ACTR3C: variants seen among roughly 807,000 people sequenced by gnomAD.
ACTR3C encodes actin-related protein 3C.
A neutral mutation model predicts 26.3 loss-of-function variants in ACTR3C; 18 were observed. That is an observed-to-expected ratio of 0.68 (90% CI 0.47 to 1.01). The LOEUF (loss-of-function observed/expected upper bound fraction) is 1.01. Among genes scored for constraint, ACTR3C ranks in the 50% least tolerant of loss-of-function variants. ACTR3C has a pLI of 0.00. For missense variants in ACTR3C, 184 were observed against 250.7 expected (o/e 0.73, Z 1.80); for synonymous variants, 55 against 94.5 (o/e 0.58, Z 2.42).
At chr7:150,186,007 G>A in the ACTR3C span, among the ~76,000 whole-genome samples, 2 of 152,134 alleles carry the variant, frequency 1.3e-5, no homozygotes, top group African/African-American at 4.8e-5. Flanking sequence ...GCAAATTTCA[G>A]GGCTATTTCT....
the ACTR3C span, among the ~76,000 whole-genome samples, chr7:150,199,780 G>T: frequency 7.2e-6 from 1 of 138,592 alleles, no homozygotes; most frequent in Non-Finnish European, 1.5e-5. Context: ...AAGATTGTGT[G>T]AGGTAACAGA....
the ACTR3C span, among the ~76,000 whole-genome samples, chr7:150,185,283 G>A: frequency 1.7e-5 from 2 of 115,174 alleles, no homozygotes; most frequent in African/African-American, 7.7e-5. Context: ...AGGCGTGTGT[G>A]TGTGTGTGTG....
the ACTR3C span, among the ~76,000 whole-genome samples, chr7:150,144,366 T>A: frequency 6.6e-6 from 1 of 152,194 alleles, no homozygotes; most frequent in African/African-American, 2.4e-5. The surrounding 1 kb of genome is among the most constrained non-coding windows in gnomAD (Gnocchi z 4.6). Context: ...TAGAAGGTAA[T>A]TTATTTGAAA....
chr7:150,145,158 A>T, the ACTR3C span, among the ~76,000 whole-genome samples: 1 of 152,052 alleles, frequency 6.6e-6, no homozygotes, highest in Admixed American at 6.6e-5. Flanking sequence ...CAAATGATAT[A>T]GAATATATAA....
chr7:150,132,133 G>A, the ACTR3C span, among the ~76,000 whole-genome samples: 1 of 152,326 alleles, frequency 6.6e-6, no homozygotes, highest in Non-Finnish European at 1.5e-5. Flanking sequence ...TTAGTTTGGT[G>A]GGTGGCAGAG....
the ACTR3C span, among the ~76,000 whole-genome samples, chr7:150,087,246 G>C: frequency 1.4e-5 from 2 of 147,142 alleles, no homozygotes; most frequent in African/African-American, 5.1e-5. Flanking sequence ...TGGACTAAAA[G>C]TTTTGTTAAT....
chr7:149,932,629 C>G, the ACTR3C span, among the ~76,000 whole-genome samples: 6 of 149,060 alleles, frequency 4.0e-5, no homozygotes, highest in African/African-American at 1.5e-4. Context: ...TTTGAAAAAT[C>G]ATGGAAATGA....
chr7:150,261,396 A>G (rs555551065), intron 6 of ACTR3C, among the ~76,000 whole-genome samples: 25 of 152,292 alleles, frequency 1.6e-4, no homozygotes, highest in African/African-American at 5.5e-4. Flanking sequence ...CTCAGAAAGT[A>G]TCCTCCACCT....
At chr7:150,126,817 G>A in the ACTR3C span, among the ~76,000 whole-genome samples, 2 of 152,248 alleles carry the variant, frequency 1.3e-5, no homozygotes, top group East Asian at 1.9e-4. Flanking sequence ...GTATGTTCAC[G>A]GTTGTCTGCA....
chr7:150,031,165 G>A, the ACTR3C span, among the ~76,000 whole-genome samples: 2 of 151,776 alleles, frequency 1.3e-5, no homozygotes, highest in African/African-American at 2.4e-5. Flanking sequence ...GCTGAGGCAG[G>A]AGAATCACTT....
At chr7:150,163,343 C>T in the ACTR3C span, among the ~76,000 whole-genome samples, 1 of 149,844 alleles carries the variant, frequency 6.7e-6, no homozygotes, top group East Asian at 2.0e-4. Context: ...AGGAGAGGTA[C>T]ATATATCCTT....
At chr7:150,263,941 C>A (rs943410466) in intron 6 of ACTR3C, among the ~76,000 whole-genome samples, 1 of 152,232 alleles carries the variant, frequency 6.6e-6, no homozygotes, top group Non-Finnish European at 1.5e-5. Flanking sequence ...AGGAAGACAG[C>A]TGCAGGTGGA....
chr7:150,035,044 T>TCCCTG, the ACTR3C span, among the ~76,000 whole-genome samples: 1 of 128,602 alleles, frequency 7.8e-6, no homozygotes, highest in Non-Finnish European at 1.7e-5. Flanking sequence ...TGGCTCTCAG[T>TCCCTG]AATCCCACGT....
chr7:150,039,154 G>A, the ACTR3C span, among the ~76,000 whole-genome samples: 1 of 151,320 alleles, frequency 6.6e-6, no homozygotes, highest in East Asian at 2.0e-4. Flanking sequence ...TAAGCCGGTG[G>A]GGGAAGAGGG....
chr7:150,152,266 G>A, the ACTR3C span, among the ~76,000 whole-genome samples: 1 of 152,126 alleles, frequency 6.6e-6, no homozygotes, highest in East Asian at 1.9e-4. Context: ...GTATGATATT[G>A]GCTGTGGGTT....
the ACTR3C span, among the ~76,000 whole-genome samples, chr7:149,932,400 T>G: frequency 1.3e-5 from 2 of 152,254 alleles, no homozygotes; most frequent in African/African-American, 2.4e-5. Context: ...AAAATTAGAC[T>G]GGGGTGATGG....
At chr7:150,078,527 C>G in the ACTR3C span, among the ~76,000 whole-genome samples, 4 of 149,624 alleles carry the variant, frequency 2.7e-5, no homozygotes, top group South Asian at 2.2e-4. Context: ...AAAGTTTATT[C>G]TTGTTTTATT....
chr7:149,953,406 T>G, the ACTR3C span, among the ~76,000 whole-genome samples: 1 of 149,632 alleles, frequency 6.7e-6, no homozygotes, highest in East Asian at 2.0e-4. Context: ...CTGAATTTCA[T>G]ATTTTCTTCA....
chr7:149,899,634 G>A, the ACTR3C span, among the ~76,000 whole-genome samples: 1 of 147,866 alleles, frequency 6.8e-6, no homozygotes, highest in Non-Finnish European at 1.5e-5. Context: ...GAGCCTCAGG[G>A]ACATCTGGGA....
Sources: allele counts gnomAD v4.1 joint callset (sites outside exome capture counted in the v4.1 genomes callset), GRCh38; gene constraint gnomAD v4.1.1; non-coding constraint Gnocchi (gnomAD v3.1); transcripts MANE v1.5; gene names NCBI Gene and HGNC (gene_info 2026-07-23, HGNC 2026-07-21).